PRUNE2: variants seen among roughly 807,000 people sequenced by gnomAD.
The protein encoded by PRUNE2 is prune homolog 2 with BCH domain.
Under a neutral mutation model 252.0 loss-of-function variants are expected in PRUNE2, and 164 were observed. The ratio of observed to expected loss-of-function variants is 0.65; its 90% CI spans 0.57 to 0.74. The LOEUF is 0.74. Among genes scored for constraint, PRUNE2 ranks in the 30% least tolerant of loss-of-function variants. PRUNE2 has a pLI of 0.00. For missense variants in PRUNE2, 3,495 were observed against 3,711.0 expected (o/e 0.94, Z 1.51); for synonymous variants, 1,292 against 1,350.2 (o/e 0.96, Z 0.94).
intron 4 of PRUNE2, among the ~76,000 whole-genome samples, chr9:76,839,619 G>A (rs1284974420): frequency 6.6e-6 from 1 of 152,222 alleles, no homozygotes; most frequent in African/African-American, 2.4e-5. Flanking sequence ...GATTTTGAGT[G>A]AGACAGGTTT....
chr9:76,670,852 G>C (rs1206144130), intron 9 of PRUNE2, among the ~76,000 whole-genome samples: 1 of 151,864 alleles, frequency 6.6e-6, no homozygotes, highest in African/African-American at 2.4e-5. Context: ...CTCTCTGTTA[G>C]AAGGAAAACT....
chr9:76,816,061 C>T (rs1455915122), intron 6 of PRUNE2, among the ~76,000 whole-genome samples: 1 of 150,814 alleles, frequency 6.6e-6, no homozygotes, highest in Non-Finnish European at 1.5e-5. Flanking sequence ...ACTCAGGAGG[C>T]TGAGGCAGGA....
At chr9:76,797,771 G>A (rs756535436) in intron 6 of PRUNE2, among the ~76,000 whole-genome samples, 2 of 151,872 alleles carry the variant, frequency 1.3e-5, no homozygotes, top group Middle Eastern at 3.4e-3. Context: ...TTTCTGGAAT[G>A]GTAGAGAGGG....
In PRUNE2 at chr9:76,706,539, G is replaced by A; in HGVS notation, c.5735C>T (p.Pro1912Leu). 6.2e-7 allele frequency: 1 copy of A among 1,613,930 alleles called. No homozygotes were observed. Among genetic ancestry groups the A allele is most frequent in the Non-Finnish European group, 8.5e-7 (1 of 1,179,892 alleles). Residue 1912 changes from proline to leucine, a missense_variant, in exon 8 of 19, where the codon CCA becomes CTA. Transcript: ENST00000376718. ...GTCAGCATCTGGGTCTGGCTGCCTT[G>A]GTTGAATGTTCCAGAGTTGCTCATG... ...NSHEQLWNIQ[P>L]RQPDPDADKF... is the part of the protein sequence containing the mutation.
Position 76,655,304 on chromosome 9 carries a change from CT to C in PRUNE2, c.8356+118del, listed in dbSNP as rs1848762211. On this transcript the variant is annotated intron_variant, in intron 10 of 18. Coordinates refer to ENST00000376718, the MANE Select transcript of PRUNE2 (RefSeq NM_015225.3). ...CTTCATATCACACATTTCTTTTTTC[CT>C]CTCACTGTTATCACTGAAATCATAA... The C allele has an allele frequency of 5.0e-6, 4 of 793,286 alleles. No homozygotes were observed. The South Asian group carries it at 6.2e-5, about 12-fold the overall frequency. The allele number at this position is 793,286 out of a possible 1,614,324, so 49.1% of individuals were successfully genotyped here.
chr9:76,894,548 G>A (rs1442114297), intron 1 of PRUNE2, among the ~76,000 whole-genome samples: 3 of 152,116 alleles, frequency 2.0e-5, no homozygotes, highest in South Asian at 2.1e-4. Flanking sequence ...GCCAGGTGCC[G>A]GTCTGGCCAG....
intron 9 of PRUNE2, among the ~76,000 whole-genome samples, chr9:76,695,710 C>T (rs2045315945): frequency 6.6e-6 from 1 of 152,142 alleles, no homozygotes; most frequent in Non-Finnish European, 1.5e-5. Context: ...GAGCAAACTA[C>T]CCTTTCTTTT....
chr9:76,825,064 T>G (rs1327019360), intron 5 of PRUNE2, among the ~76,000 whole-genome samples: 1 of 152,126 alleles, frequency 6.6e-6, no homozygotes, highest in Admixed American at 6.6e-5. Flanking sequence ...CCCAGCATGA[T>G]GCTCCACCAC....
intron 11 of PRUNE2, among the ~76,000 whole-genome samples, chr9:76,651,657 A>T (rs1847452802): frequency 6.6e-6 from 1 of 152,230 alleles, no homozygotes; most frequent in African/African-American, 2.4e-5. Flanking sequence ...CAGATTTCAT[A>T]GAGTAAGAGA....
At chr9:76,801,431 T>C (rs1258107574) in intron 6 of PRUNE2, among the ~76,000 whole-genome samples, 1 of 152,166 alleles carries the variant, frequency 6.6e-6, no homozygotes, top group Non-Finnish European at 1.5e-5. Context: ...GAAAATTAAT[T>C]GGCATCTCTA....
chr9:76,641,180 G>C (rs187844853), intron 12 of PRUNE2, among the ~76,000 whole-genome samples: 1 of 152,038 alleles, frequency 6.6e-6, no homozygotes, highest in Non-Finnish European at 1.5e-5. Flanking sequence ...GAAATGTCTC[G>C]ATATAAAAAG....
chr9:76,829,754 T>G (rs564781416), intron 4 of PRUNE2, among the ~76,000 whole-genome samples: 31 of 151,716 alleles, frequency 2.0e-4, no homozygotes, highest in Admixed American at 5.2e-4. Context: ...TTGTTTTGTT[T>G]TTTTTTTTTT....
chr9:76,871,959 GTAGA>G (rs2061227678), intron 1 of PRUNE2, among the ~76,000 whole-genome samples: 1 of 152,140 alleles, frequency 6.6e-6, no homozygotes, highest in Admixed American at 6.5e-5. Flanking sequence ...AAATTACGCT[GTAGA>G]TAGTGACATT....
intron 2 of PRUNE2, among the ~76,000 whole-genome samples, chr9:76,852,818 A>ATCTATCTG (rs898679779): frequency 2.6e-5 from 1 of 38,614 alleles, no homozygotes; most frequent in African/African-American, 3.1e-4. Context: ...CTATCTATCT[A>ATCTATCTG]TCTATCTATC....
intron 9 of PRUNE2, among the ~76,000 whole-genome samples, chr9:76,699,359 C>T (rs1485711558): frequency 6.6e-6 from 1 of 151,922 alleles, no homozygotes; most frequent in Non-Finnish European, 1.5e-5. Context: ...TTTGGTCAGA[C>T]ACCAGTTTAG....
At chr9:76,745,084 A>G (rs373398798) in intron 6 of PRUNE2, among the ~76,000 whole-genome samples, 60 of 152,280 alleles carry the variant, frequency 3.9e-4, no homozygotes, top group Admixed American at 1.1e-3. Context: ...TAGGCACCCA[A>G]TGAAACCACC....
chr9:76,705,480 G>A lies in PRUNE2; in HGVS notation c.6794C>T (p.Ala2265Val), dbSNP rs1196419340. The A allele has an allele frequency of 6.2e-7, 1 of 1,613,966 alleles. No homozygotes were observed. The highest frequency in any genetic ancestry group is 1.7e-5 in the Admixed American group (1 of 60,020). Residue 2265 changes from alanine to valine, a missense_variant, in exon 8 of 19, where the codon GCT (alanine) becomes GTT (valine). By Grantham distance (64) the Ala-to-Val change is moderately conservative. Transcript: ENST00000376718. ...TAAATGTGGATCACCATCAAACAAA[G>A]CTCTTGCACCAGGCTGACTTTCAGG... is the stretch of plus-strand genomic sequence containing the variant. ...FSPESQPGAR[A>V]LFDGDPHLST...
At chr9:76,655,525 C>T (rs897818203) in intron 9 of PRUNE2, 23 bp from the exon 10 acceptor site, 38 of 1,570,678 alleles carry the variant, frequency 2.4e-5, no homozygotes, top group Non-Finnish European at 3.2e-5. Context: ...CAAAGCAAAG[C>T]GCGTCAACAA....
intron 9 of PRUNE2, among the ~76,000 whole-genome samples, chr9:76,662,990 ATAT>A (rs2039408070): frequency 6.6e-6 from 1 of 152,214 alleles, no homozygotes; most frequent in South Asian, 2.1e-4. Context: ...CTCGTTAAGA[ATAT>A]CAATTAGCCT....
Sources: allele counts gnomAD v4.1 joint callset (sites outside exome capture counted in the v4.1 genomes callset), GRCh38; gene constraint gnomAD v4.1.1; transcripts MANE v1.5; gene names NCBI Gene and HGNC (gene_info 2026-07-23, HGNC 2026-07-21).